Variants in USP11 observed in about 807,000 individuals in gnomAD.
USP11 encodes the protein ubiquitin carboxyl-terminal hydrolase 11.
Under a neutral mutation model 72.8 loss-of-function variants are expected in USP11, and 5 were observed. The ratio of observed to expected loss-of-function variants is 0.07; its 90% CI spans 0.04 to 0.14. The LOEUF is 0.14. USP11 is among the 10% of genes least tolerant of loss of function. The pLI is 1.00. For synonymous variants in USP11, 368 were observed against 326.5 expected, an observed-to-expected ratio of 1.13 and a Z score of -1.37; for missense variants, 480 against 794.7, an observed-to-expected ratio of 0.60 and a Z score of 4.76.
chrX:47,233,175 C>T lies in USP11; in HGVS notation c.132C>T (p.Asn44=). Residue 44 remains asparagine (N), a synonymous_variant, in exon 1 of 21, where the codon AAC becomes AAT. Transcript: ENST00000377107. ...ACAGCCAGTGGCGCCAGATAGAAAA[C>T]GGCGAGAGTGGGCGAGAACGTCCAC... ...GLDSQWRQIE[N]GESGRERPLR... 2.5e-6 allele frequency: 3 copies of T among 1,189,669 alleles called. No homozygotes were observed. Among genetic ancestry groups the T allele is most frequent in the Non-Finnish European group, 3.4e-6 (3 of 883,419 alleles).
At position 47,239,109 on chromosome X, in the gene USP11, A is replaced by T. The variant is rs2055389341; in HGVS notation, c.216A>T (p.Ala72=). The stretch of plus-strand genomic sequence containing the variant: ...AGCACTGGTATAAGCAGTGGGAGGC[A>T]TACGTGCAGGGAGGGGACCAGGACT... ...VEKHWYKQWE[A]YVQGGDQDSS... is the part of the protein sequence containing the mutation. The change falls in exon 2 of 21, where the codon GCA becomes GCT. Residue 72 remains alanine (A), a synonymous_variant. Transcript: ENST00000377107. 2 of 1,208,759 alleles carry T rather than the reference A, an allele frequency of 1.7e-6. No homozygotes were observed. Among genetic ancestry groups the T allele is most frequent in the Non-Finnish European group, 2.2e-6 (2 of 894,746 alleles).
At chrX:47,241,510 C>G (rs1456818030) in intron 8 of USP11, 31 bp from the exon 9 acceptor site, 1 of 1,189,076 alleles carries the variant, frequency 8.4e-7, no homozygotes, top group Admixed American at 2.3e-5. Flanking sequence ...CTAACTCCCT[C>G]TCTCTCTGAT....
chrX:47,241,245 T>C (rs1202829216), intron 7 of USP11, 32 bp from the exon 8 acceptor site: 1 of 1,172,162 alleles, frequency 8.5e-7, no homozygotes, highest in Non-Finnish European at 1.1e-6. Flanking sequence ...GTCTCCCCTC[T>C]GCCTCATTCA....
chrX:47,242,852 C>T (rs985632058), intron 12 of USP11, 132 bp downstream of exon 12: 3 of 514,049 alleles, frequency 5.8e-6, no homozygotes, highest in Admixed American at 6.6e-5. Context: ...CTGCGCAGAG[C>T]TTCAGCCACA....
intron 1 of USP11, among the ~76,000 whole-genome samples, chrX:47,236,818 C>G (rs1258055436): frequency 1.8e-5 from 2 of 111,709 alleles, no homozygotes; most frequent in African/African-American, 6.5e-5. Context: ...TGATAGCATC[C>G]AAAAAATTGA....
At chrX:47,243,988 A>G (rs1440255198) in intron 13 of USP11, among the ~76,000 whole-genome samples, 2 of 109,588 alleles carry the variant, frequency 1.8e-5, no homozygotes, top group African/African-American at 6.7e-5. Context: ...CTCCCCCCTC[A>G]TTTTGCATTC....
At chrX:47,233,602 G>A (rs2055356899) in intron 1 of USP11, 2 of 770,138 alleles carry the variant, frequency 2.6e-6, no homozygotes, top group East Asian at 1.1e-4. Flanking sequence ...GGCGAGGAGC[G>A]GTTTCCGATT....
At chrX:47,240,037 G>C in intron 4 of USP11, 130 bp downstream of exon 4, 1 of 775,868 alleles carries the variant, frequency 1.3e-6, no homozygotes, top group Non-Finnish European at 1.9e-6. Context: ...GACCCAGAAG[G>C]CATTGGCTAA....
intron 17 of USP11, 146 bp from the exon 18 acceptor site, chrX:47,246,926 C>T (rs926783715): frequency 1.4e-6 from 1 of 720,839 alleles, no homozygotes; most frequent in East Asian, 3.6e-5. Flanking sequence ...GAGGCTGAGG[C>T]AGGAGAATCG....
At position 47,239,343 on chromosome X, in the gene USP11, C is replaced by T. The variant is rs1164315912; in HGVS notation, c.287-8C>T. 4 of 1,210,246 alleles carry T rather than the reference C, an allele frequency of 3.3e-6. No individual in the cohort carries two copies. The South Asian group carries it at 5.3e-5, about 16-fold the overall frequency. ...TCTTCCTCTGCCACCTCCACCCCCG[C>T]CCCACAGATGAGATAAACTGGCGCC... On this transcript the variant is annotated splice_region_variant and splice_polypyrimidine_tract_variant and intron_variant, in intron 2 of 20. Coordinates refer to ENST00000377107, the MANE Select transcript of USP11 (RefSeq NM_001371072.1).
At chrX:47,234,692 T>C (rs745892838) in intron 1 of USP11, among the ~76,000 whole-genome samples, 1 of 112,041 alleles carries the variant, frequency 8.9e-6, no homozygotes, top group African/African-American at 3.2e-5. Flanking sequence ...ACAACTATAG[T>C]TAATAAATTC....
rs2055408684 is a variant in USP11, at chrX:47,242,484, G to A, written c.1450G>A (p.Val484Met). 1 of 1,210,496 alleles carries A rather than the reference G, an allele frequency of 8.3e-7. No individual in the cohort carries two copies. Among genetic ancestry groups the A allele is most frequent in the African/African-American group, 1.7e-5 (1 of 57,241 alleles). The change falls in exon 11 of 21, where the codon GTG (valine) becomes ATG (methionine). Residue 484 changes from valine to methionine, a missense_variant. Physicochemically the swap from Val to Met is conservative, Grantham distance 21. This residue lies in a region of USP11 where 314 missense variants were observed against 556.0 expected (regional missense o/e 0.56). Coordinates refer to ENST00000377107, the MANE Select transcript of USP11 (RefSeq NM_001371072.1). ...PKKGKISDLC[V>M]ALSKHTGISP... ...GAAAGGCAAGATCTCGGATCTATGT[G>A]TGGCTCTGTCCAAACACACGGGCAT...
chrX:47,235,886 T>A (rs1359473271), intron 1 of USP11, among the ~76,000 whole-genome samples: 1 of 111,789 alleles, frequency 8.9e-6, no homozygotes, highest in Non-Finnish European at 1.9e-5. Flanking sequence ...CACAGTGTTT[T>A]GTAACTCATT....
chrX:47,237,500 A>C (rs940412181), intron 1 of USP11, among the ~76,000 whole-genome samples: 2 of 111,230 alleles, frequency 1.8e-5, no homozygotes, highest in African/African-American at 3.3e-5. Context: ...TTAAAGAATC[A>C]CATTGATGAG....
intron 13 of USP11, 88 bp downstream of exon 13, chrX:47,243,690 A>T: frequency 1.1e-6 from 1 of 912,337 alleles, no homozygotes; most frequent in East Asian, 3.3e-5. Flanking sequence ...CCTCCCCTGT[A>T]ACAAACAAAA....
Position 47,245,363 on chromosome X carries a change from AT to A in USP11, c.2158-6del. ...GGCCATCTGGTTGTCTGTTCACCCA[AT>A]CCTAGGGCTACGTGAAGCATGACTG... On this transcript the variant is annotated splice_polypyrimidine_tract_variant and splice_region_variant and intron_variant, in intron 16 of 20. Transcript: ENST00000377107. 8.3e-7 allele frequency: 1 copy of A among 1,204,711 alleles called. No homozygotes were observed. Among genetic ancestry groups the A allele is most frequent in the Non-Finnish European group, 1.1e-6 (1 of 890,102 alleles).
intron 3 of USP11, 110 bp from the exon 4 acceptor site, chrX:47,239,680 G>A: frequency 1.0e-6 from 1 of 975,506 alleles, no homozygotes; most frequent in South Asian, 2.1e-5. Context: ...TTGTATATGT[G>A]TGTTTGTATG....
chrX:47,245,291 C>G (rs2055426285), intron 16 of USP11, 79 bp from the exon 17 acceptor site: 2 of 984,339 alleles, frequency 2.0e-6, no homozygotes, highest in East Asian at 3.2e-5. Context: ...GTGTGTGTCT[C>G]CCCCGCTGGG....
rs746704023 is a variant in USP11 at position 47,243,120 on chromosome X, G to A, written c.1584-276G>A. On this transcript the variant is annotated intron_variant, in intron 12 of 20. Transcript: ENST00000377107. ...CTACTAAAAATACAAAAAATTAGCC[G>A]GGCGTGGTGGCAGGTGCCTGTAGTC... Among the ~76,000 whole-genome samples the A allele has an allele frequency of 1.7e-3, 188 of 111,287 alleles. 1 individual carries two copies. The highest frequency in any genetic ancestry group is 6.0e-3 in the African/African-American group (184 of 30,594).
Sources: allele counts gnomAD v4.1 joint callset (sites outside exome capture counted in the v4.1 genomes callset), GRCh38; gene constraint gnomAD v4.1.1; regional missense constraint gnomAD v4.1.1; transcripts MANE v1.5; gene names NCBI Gene and HGNC (gene_info 2026-07-23, HGNC 2026-07-21).